LAMC2: variants seen among roughly 807,000 people sequenced by gnomAD.
LAMC2 encodes the protein laminin subunit gamma-2.
LAMC2 carries 97 observed loss-of-function variants against 140.2 expected under a neutral mutation model. That is an observed-to-expected ratio of 0.69 (90% CI 0.59 to 0.82). LAMC2 has a LOEUF of 0.82. Ranked by LOEUF, LAMC2 falls within the 40% of genes least tolerant of loss-of-function variation. The pLI, the probability that LAMC2 is intolerant of heterozygous loss-of-function variation, is 0.00. For synonymous variants in LAMC2, 513 were observed against 540.2 expected, an observed-to-expected ratio of 0.95 and a Z score of 0.70; for missense variants, 1,402 against 1,476.1, an observed-to-expected ratio of 0.95 and a Z score of 0.82.
At chr1:183,218,670 A>G (rs1178218780) in intron 4 of LAMC2, among the ~76,000 whole-genome samples, 182 bp downstream of exon 4, 1 of 152,108 alleles carries the variant, frequency 6.6e-6, no homozygotes, top group Non-Finnish European at 1.5e-5. Context: ...ACACACACAC[A>G]CTGAGCACCC....
intron 22 of LAMC2, among the ~76,000 whole-genome samples, chr1:183,241,477 A>C (rs1660134654): frequency 6.6e-6 from 1 of 152,164 alleles, no homozygotes; most frequent in South Asian, 2.1e-4. Context: ...CCCAAAAGAA[A>C]ACTTATTTTG....
In LAMC2 at chr1:183,215,566, T is replaced by C; in HGVS notation, c.382T>C (p.Cys128Arg). 1.9e-6 allele frequency: 3 copies of C among 1,613,904 alleles called. No homozygotes were observed. The highest frequency in any genetic ancestry group is 2.5e-6 in the Non-Finnish European group (3 of 1,179,996). The change falls in exon 3 of 23, where the codon TGC becomes CGC. Residue 128 changes from cysteine (C) to arginine (R), a missense_variant. By Grantham distance (180) the Cys-to-Arg change is radical. Coordinates refer to ENST00000264144, the MANE Select transcript of LAMC2 (RefSeq NM_005562.3). ...PGFHMLTDAG[C>R]TQDQRLLDSK... ...CTTCCACATGCTCACGGATGCGGGG[T>C]GCACCCAAGACCAGAGACTGCTGTG...
chr1:183,218,475 G>A lies in LAMC2; in HGVS notation c.490G>A (p.Glu164Lys), dbSNP rs1007383834. Residue 164 changes from glutamate to lysine, a missense_variant, in exon 4 of 23, where the codon GAA becomes AAA. Glu to Lys is a moderately conservative substitution (Grantham distance 56). Coordinates refer to ENST00000264144, the MANE Select transcript of LAMC2 (RefSeq NM_005562.3). Reference sequence around the variant, plus strand: ...TGTCTGCAAGCCAGCTGTCACTGGAGAACGCTGTGATAGGTCTGTGTGAAC... The same window carrying A: ...TGTCTGCAAGCCAGCTGTCACTGGAAAACGCTGTGATAGGTCTGTGTGAAC... ...RCVCKPAVTG[E>K]RCDRCRSGYY... 8.7e-6 allele frequency: 14 copies of A among 1,613,012 alleles called. No individual in the cohort carries two copies. Among genetic ancestry groups the A allele is most frequent in the African/African-American group, 5.3e-5 (4 of 74,908 alleles).
intron 1 of LAMC2, among the ~76,000 whole-genome samples, chr1:183,191,467 A>G (rs1658327809): frequency 6.7e-6 from 1 of 150,028 alleles, no homozygotes; most frequent in South Asian, 2.1e-4. Context: ...CATTTAACCC[A>G]CTTAAGTTCT....
chr1:183,225,653 C>G lies in LAMC2; in HGVS notation c.999C>G (p.Tyr333Ter). ...PSNNWSPQLS[Y>*]FEYRRLLRNL... is the part of the protein sequence containing the mutation. Reference sequence around the variant, plus strand: ...ATAATTGGAGCCCCCAGCTGAGTTACTTTGAGTATCGAAGGTTACTGCGGA... The same window carrying G: ...ATAATTGGAGCCCCCAGCTGAGTTAGTTTGAGTATCGAAGGTTACTGCGGA... The change falls in exon 8 of 23, where the codon TAC becomes TAG. Residue 333 changes from tyrosine to a stop codon, truncating the protein, a stop_gained. Transcript: ENST00000264144. LOFTEE classifies it high-confidence loss of function. 2 of 1,614,078 alleles carry G rather than the reference C, an allele frequency of 1.2e-6. No individual in the cohort carries two copies. Among genetic ancestry groups the G allele is most frequent in the Non-Finnish European group, 1.7e-6 (2 of 1,179,950 alleles).
rs34536054 is a variant in LAMC2, at chr1:183,206,651, C to CAAAAA, written c.80-1217_80-1213dup. ...TGGGCGACAGAGCAAGACTTGGTCT[C>CAAAAA]AAAAAAAAAAAAAAAAAGATGTACA... On this transcript the variant is annotated intron_variant, in intron 1 of 22. Transcript: ENST00000264144. 1.4e-4 allele frequency among the ~76,000 whole-genome samples: 18 copies of CAAAAA among 125,976 alleles called. 1 individual carries two copies. Among genetic ancestry groups the CAAAAA allele is most frequent in the African/African-American group, 4.2e-4 (14 of 33,198 alleles). 82.6% of individuals were successfully genotyped at this position (125,976 alleles called of 152,430 possible). A position where few individuals can be genotyped will look rare whatever the true frequency, so the allele number is the denominator to read the frequency against.
chr1:183,223,106 T>C, intron 6 of LAMC2, 29 bp from the exon 7 acceptor site: 1 of 1,607,996 alleles, frequency 6.2e-7, no homozygotes, highest in Non-Finnish European at 8.5e-7. Flanking sequence ...TCACAACTGA[T>C]CTCAATCTTT....
At chr1:183,225,796 CA>C in intron 8 of LAMC2, 76 bp downstream of exon 8, 1 of 960,208 alleles carries the variant, frequency 1.0e-6, no homozygotes, top group Non-Finnish European at 1.7e-6. Flanking sequence ...AAGGTGGCGG[CA>C]GTCTCCAAAC....
intron 22 of LAMC2, chr1:183,240,635 C>T: frequency 1.4e-6 from 2 of 1,406,950 alleles, no homozygotes; most frequent in Non-Finnish European, 1.8e-6. Context: ...GGTCTGTGGG[C>T]CAAAGAACAG....
downstream of LAMC2, among the ~76,000 whole-genome samples, chr1:183,247,540 A>G (rs1660264676): frequency 6.6e-6 from 1 of 152,030 alleles, no homozygotes; most frequent in Non-Finnish European, 1.5e-5. Flanking sequence ...AAAAAAAAAA[A>G]AAAAGATAAA....
intron 8 of LAMC2, among the ~76,000 whole-genome samples, 175 bp downstream of exon 8, chr1:183,225,895 T>C (rs1474758252): frequency 1.3e-5 from 2 of 152,192 alleles, no homozygotes; most frequent in East Asian, 3.8e-4. Context: ...AGAAGAAATG[T>C]TTCTCTAAAA....
chr1:183,232,491 T>C, intron 13 of LAMC2, 148 bp downstream of exon 13: 1 of 1,116,154 alleles, frequency 9.0e-7, no homozygotes, highest in Non-Finnish European at 1.3e-6. Context: ...GTCTGTGGCA[T>C]TCCCCCTGGG....
At chr1:183,225,812 AG>A in intron 8 of LAMC2, 92 bp downstream of exon 8, 3 of 814,826 alleles carry the variant, frequency 3.7e-6, no homozygotes, top group Non-Finnish European at 6.4e-6. Flanking sequence ...CCAAACAAGT[AG>A]ATAAGTTACT....
chr1:183,187,161 G>A (rs1332905372), intron 1 of LAMC2, among the ~76,000 whole-genome samples: 1 of 152,164 alleles, frequency 6.6e-6, no homozygotes, highest in East Asian at 1.9e-4. Flanking sequence ...ATGGATATAT[G>A]CCTGTATAAT....
At chr1:183,241,158 G>C in intron 22 of LAMC2, 1 of 245,178 alleles carries the variant, frequency 4.1e-6, no homozygotes, top group South Asian at 1.5e-4. Context: ...TGAGGCAGGA[G>C]AATCGCTTGA....
chr1:183,195,754 A>G (rs556841624), intron 1 of LAMC2, among the ~76,000 whole-genome samples: 6 of 142,834 alleles, frequency 4.2e-5, no homozygotes, highest in African/African-American at 1.5e-4. Context: ...CTTTAAGAAG[A>G]TAAAACTAGA....
In LAMC2 at chr1:183,220,538, C is replaced by G. The variant is rs953085340; in HGVS notation, c.504-287C>G. On this transcript the variant is annotated intron_variant, in intron 4 of 22. Transcript: ENST00000264144. The stretch of plus-strand genomic sequence containing the variant: ...ATCTGACCACCACTCAATTTCCTAC[C>G]AAGGACTGGCCGACTACTCAGATGC... Among the ~76,000 whole-genome samples, 21 of 152,090 alleles carry G rather than the reference C, an allele frequency of 1.4e-4. 1 individual carries two copies. Among genetic ancestry groups the G allele is most frequent in the African/African-American group, 2.7e-4 (11 of 41,398 alleles).
chr1:183,239,470 A>G lies in LAMC2; in HGVS notation c.2976A>G (p.Gln992=). The change falls in exon 20 of 23, where the codon CAA becomes CAG. Residue 992 remains glutamine (Q), a synonymous_variant. Coordinates refer to ENST00000264144, the MANE Select transcript of LAMC2 (RefSeq NM_005562.3). ...CAGATGCCAGTGACAAGACCCAGCA[A>G]GCAGAAAGAGCCCTGGGGAGCGCTG... ...KVSDASDKTQ[Q]AERALGSAAA... 1 of 1,614,152 alleles carries G rather than the reference A, an allele frequency of 6.2e-7. No individual in the cohort carries two copies.
At chr1:183,240,694 TAA>T in intron 22 of LAMC2, 1 of 1,302,788 alleles carries the variant, frequency 7.7e-7, no homozygotes, top group Non-Finnish European at 9.8e-7. Context: ...GGAATCCTGC[TAA>T]AGAGTCTGGC....
Sources: allele counts gnomAD v4.1 joint callset (sites outside exome capture counted in the v4.1 genomes callset), GRCh38; gene constraint gnomAD v4.1.1; transcripts MANE v1.5; gene names NCBI Gene and HGNC (gene_info 2026-07-23, HGNC 2026-07-21).